Variants in RASA3 observed in about 807,000 individuals in gnomAD.
RASA3 encodes RAS p21 protein activator 3.
In RASA3, 73 loss-of-function variants were observed where a neutral mutation model predicts 110.0. That is an observed-to-expected ratio of 0.66 (90% CI 0.55 to 0.81). RASA3 has a LOEUF of 0.81. Ranked by LOEUF, RASA3 falls within the 30% of genes least tolerant of loss-of-function variation. RASA3 has a pLI of 0.00. For missense variants in RASA3, 976 were observed against 1,113.2 expected (o/e 0.88, Z 1.75); for synonymous variants, 500 against 451.4 (o/e 1.11, Z -1.37).
intron 1 of RASA3, among the ~76,000 whole-genome samples, chr13:114,089,616 A>C (rs1284139263): frequency 6.6e-6 from 1 of 152,162 alleles, no homozygotes; most frequent in East Asian, 1.9e-4. Context: ...TCAGCCCTGC[A>C]CAGACATCAG....
rs549156919 is a variant in RASA3, at chr13:114,078,398, T to G, written c.56-4561A>C. ...CTGTGGTATACAGTAAGTACCTAAT[T>G]ATCTGTTGCATGCATGGATGAATAA... On this transcript the variant is annotated intron_variant, in intron 1 of 23. Transcript: ENST00000334062. Among the ~76,000 whole-genome samples, 135 of 152,102 alleles carry G rather than the reference T, an allele frequency of 8.9e-4. 1 individual carries two copies. Among genetic ancestry groups the G allele is most frequent in the Admixed American group, 2.6e-3 (39 of 15,294 alleles).
chr13:114,045,455 A>T (rs1299490991), intron 3 of RASA3, among the ~76,000 whole-genome samples: 1 of 152,206 alleles, frequency 6.6e-6, no homozygotes, highest in Admixed American at 6.5e-5. Flanking sequence ...GGACCAGAAA[A>T]AGGGGAAACA....
Position 114,067,509 on chromosome 13 carries a change from C to A in RASA3, c.173+6211G>T, listed in dbSNP as rs72659556. On this transcript the variant is annotated intron_variant, in intron 2 of 23. Transcript: ENST00000334062. ...ATTAAAAGCATCTGAGAGAATGAACCGTCTGTCTCCCAAACCACCAACTTC... is the reference window on the plus strand; with the variant it reads ...ATTAAAAGCATCTGAGAGAATGAACAGTCTGTCTCCCAAACCACCAACTTC... Among the ~76,000 whole-genome samples the A allele has an allele frequency of 8.8e-3, 1,341 of 152,272 alleles. 9 individuals are homozygous for A. The highest frequency in any genetic ancestry group is 0.014 in the Non-Finnish European group (939 of 68,026).
intron 3 of RASA3, among the ~76,000 whole-genome samples, chr13:114,050,796 G>A (rs372915591): frequency 2.0e-4 from 31 of 152,350 alleles, no homozygotes; most frequent in African/African-American, 6.3e-4. Context: ...GCTGCCGGCC[G>A]CCCAGTGGGG....
At chr13:114,008,405 G>C (rs2053563029) in intron 17 of RASA3, among the ~76,000 whole-genome samples, 2 of 31,354 alleles carry the variant, frequency 6.4e-5, no homozygotes, top group South Asian at 3.2e-3. Context: ...CCTGACTGTG[G>C]GGAGGAGCAG....
chr13:114,069,522 A>T (rs141956871), intron 2 of RASA3, among the ~76,000 whole-genome samples: 1,987 of 9,356 alleles, frequency 0.21, no homozygotes, highest in East Asian at 0.23. Context: ...GCCAGGAGAC[A>T]CAGGGGCCAG....
At chr13:114,098,366 T>TG (rs1566570365) in intron 1 of RASA3, among the ~76,000 whole-genome samples, 2,034 of 152,236 alleles carry the variant, frequency 0.013, 43 homozygotes, top group African/African-American at 0.043. Context: ...TCCCAGGGTC[T>TG]GCGTGCCCAG....
At chr13:114,079,590 A>G (rs907480724) in intron 1 of RASA3, among the ~76,000 whole-genome samples, 2 of 152,256 alleles carry the variant, frequency 1.3e-5, no homozygotes, top group African/African-American at 4.8e-5. Flanking sequence ...TGGGCTATTT[A>G]GAAGCCTGGA....
At chr13:114,015,582 TG>T (rs2053772344) in intron 13 of RASA3, among the ~76,000 whole-genome samples, 1 of 152,178 alleles carries the variant, frequency 6.6e-6, no homozygotes, top group Admixed American at 6.5e-5. Context: ...GTTTACTGAG[TG>T]GGGAATGGAC....
rs1305143881 is a variant in RASA3 at position 114,013,350 on chromosome 13, C to T, written c.1406-102G>A. ...GAGGGTCCGCAGGGAAGTCCAGCCACAGTCCTGGCTCTATCTCCACCTGTG... is the reference window on the plus strand; with the variant it reads ...GAGGGTCCGCAGGGAAGTCCAGCCATAGTCCTGGCTCTATCTCCACCTGTG... On this transcript the variant is annotated intron_variant, in intron 14 of 23. Coordinates refer to ENST00000334062, the MANE Select transcript of RASA3 (RefSeq NM_007368.4). 1.1e-5 allele frequency: 8 copies of T among 750,628 alleles called. No homozygotes were observed. In the African/African-American group the frequency reaches 1.2e-4, roughly 11 times the overall value. 46.5% of individuals were successfully genotyped at this position (750,628 alleles called of 1,614,324 possible).
intron 2 of RASA3, among the ~76,000 whole-genome samples, chr13:114,063,606 C>T (rs555667235): frequency 5.9e-5 from 9 of 152,320 alleles, no homozygotes; most frequent in Non-Finnish European, 1.0e-4. Context: ...TGGGGTCAGA[C>T]GGCACGTGTG....
chr13:113,999,385 G>T (rs1277548684), intron 20 of RASA3, among the ~76,000 whole-genome samples, 200 bp downstream of exon 20: 1 of 152,102 alleles, frequency 6.6e-6, no homozygotes, highest in Non-Finnish European at 1.5e-5. Flanking sequence ...CCCGGGCACA[G>T]AGAGTGTGGC....
At chr13:114,007,638 G>A (rs1369806474) in intron 17 of RASA3, 32 bp from the exon 18 acceptor site, 2 of 1,562,184 alleles carry the variant, frequency 1.3e-6, no homozygotes, top group East Asian at 2.2e-5. Flanking sequence ...TCACCGGGAG[G>A]AAGCCACACA....
intron 3 of RASA3, among the ~76,000 whole-genome samples, chr13:114,045,685 C>T (rs919087804): frequency 6.6e-6 from 1 of 152,174 alleles, no homozygotes; most frequent in African/African-American, 2.4e-5. Flanking sequence ...TCAGCAAGAA[C>T]AGAGAACACA....
intron 1 of RASA3, among the ~76,000 whole-genome samples, chr13:114,110,885 G>A (rs910624692): frequency 2.0e-5 from 3 of 152,218 alleles, no homozygotes; most frequent in African/African-American, 4.8e-5. Context: ...CAGGTCGGGG[G>A]CAGCAGAGTG....
intron 1 of RASA3, among the ~76,000 whole-genome samples, chr13:114,094,866 G>A (rs1271181596): frequency 6.6e-6 from 1 of 152,164 alleles, no homozygotes; most frequent in African/African-American, 2.4e-5. Context: ...CGAGACCGAG[G>A]CGCGGGCTCC....
At chr13:114,015,498 G>A (rs760787440) in intron 13 of RASA3, among the ~76,000 whole-genome samples, 166 bp from the exon 14 acceptor site, 40 of 152,238 alleles carry the variant, frequency 2.6e-4, no homozygotes, top group Non-Finnish European at 5.0e-4. Context: ...AATCTGTGCT[G>A]GGAGCTGTGG....
intron 23 of RASA3, among the ~76,000 whole-genome samples, chr13:113,981,228 C>T (rs936687533): frequency 6.6e-6 from 1 of 152,208 alleles, no homozygotes; most frequent in Non-Finnish European, 1.5e-5. Context: ...GCTGAACGTA[C>T]TCAACCTCGC....
At chr13:114,075,214 C>T (rs1255558762) in intron 1 of RASA3, among the ~76,000 whole-genome samples, 3 of 152,202 alleles carry the variant, frequency 2.0e-5, no homozygotes, top group Non-Finnish European at 4.4e-5. Flanking sequence ...TTTCTCAGAA[C>T]CCCACTTCCG....
Sources: gnomAD v4.1 joint callset for allele counts (sites outside exome capture counted in the v4.1 genomes callset) on GRCh38, gnomAD v4.1.1 for gene constraint, MANE v1.5 for transcripts, NCBI Gene and HGNC (gene_info 2026-07-23, HGNC 2026-07-21) for gene names.